The following KIAA1217 variants were observed in gnomAD, a reference collection of about 807,000 sequenced individuals.
KIAA1217 encodes sickle tail protein homolog.
KIAA1217 carries 88 observed loss-of-function variants against 163.9 expected under a neutral mutation model. The ratio of observed to expected loss-of-function variants is 0.54; its 90% CI spans 0.45 to 0.64. The LOEUF is 0.64. Ranked by LOEUF, KIAA1217 falls within the 30% of genes least tolerant of loss-of-function variation. The pLI, the probability that KIAA1217 is intolerant of heterozygous loss-of-function variation, is 0.00. For missense variants in KIAA1217, 2,372 were observed against 2,475.0 expected, an observed-to-expected ratio of 0.96 and a Z score of 0.88; for synonymous variants, 903 against 923.1, an observed-to-expected ratio of 0.98 and a Z score of 0.39.
At chr10:24,491,260 A>G (rs903338355) in intron 6 of KIAA1217, among the ~76,000 whole-genome samples, 15 of 144,444 alleles carry the variant, frequency 1.0e-4, no homozygotes, top group Admixed American at 9.7e-4. Flanking sequence ...AGAATGATTC[A>G]GGTGCTTTGT....
chr10:24,533,376 G>A, intron 16 of KIAA1217, 139 bp downstream of exon 16: 1 of 803,664 alleles, frequency 1.2e-6, no homozygotes, highest in Non-Finnish European at 1.8e-6. Flanking sequence ...TCTGGCCTTA[G>A]CCTTTGCTTT....
At chr10:23,945,577 C>T (rs756690256) in intron 1 of KIAA1217, among the ~76,000 whole-genome samples, 1 of 152,098 alleles carries the variant, frequency 6.6e-6, no homozygotes, top group African/African-American at 2.4e-5. Flanking sequence ...AAACTCAACA[C>T]ATTTTACGTT....
At chr10:24,226,483 A>G (rs1006096354) in intron 2 of KIAA1217, among the ~76,000 whole-genome samples, 5 of 151,898 alleles carry the variant, frequency 3.3e-5, no homozygotes, top group Non-Finnish European at 5.9e-5. Context: ...AAATACAAAA[A>G]TACAGAAAAT....
chr10:24,366,265 T>C (rs1322802140), intron 2 of KIAA1217, among the ~76,000 whole-genome samples: 1 of 151,898 alleles, frequency 6.6e-6, no homozygotes, highest in African/African-American at 2.4e-5. Context: ...GCCAACATGG[T>C]TAAACCCCAT....
chr10:23,905,132 A>G (rs1464508983), intron 1 of KIAA1217, among the ~76,000 whole-genome samples: 1 of 142,808 alleles, frequency 7.0e-6, no homozygotes, highest in African/African-American at 2.7e-5. Context: ...AGTTATACCT[A>G]ATGTATCAGT....
chr10:24,187,216 T>TG (rs2066478375), intron 2 of KIAA1217, among the ~76,000 whole-genome samples: 1 of 152,230 alleles, frequency 6.6e-6, no homozygotes, highest in African/African-American at 2.4e-5. Context: ...GTCTTGTCGC[T>TG]TGTCACAGCA....
chr10:24,237,793 A>G (rs1215399870), intron 2 of KIAA1217, among the ~76,000 whole-genome samples: 1 of 152,138 alleles, frequency 6.6e-6, no homozygotes, highest in Non-Finnish European at 1.5e-5. Flanking sequence ...CATTAATTGA[A>G]TCTCTGACAA....
chr10:24,492,888 C>T (rs954827710), intron 6 of KIAA1217, among the ~76,000 whole-genome samples: 3 of 151,876 alleles, frequency 2.0e-5, no homozygotes, highest in Admixed American at 1.3e-4. Context: ...CACTGTCACC[C>T]AGGATGGAGT....
At chr10:24,334,862 G>A (rs561485384) in intron 2 of KIAA1217, among the ~76,000 whole-genome samples, 6 of 152,266 alleles carry the variant, frequency 3.9e-5, no homozygotes, top group Non-Finnish European at 5.9e-5. Flanking sequence ...AGTATTTCCC[G>A]ATCTTTTTCA....
At chr10:23,796,457 G>A (rs1194111788) in intron 1 of KIAA1217, among the ~76,000 whole-genome samples, 2 of 151,976 alleles carry the variant, frequency 1.3e-5, no homozygotes, top group African/African-American at 4.8e-5. Context: ...TCTGCCTCCC[G>A]GGTTCAAGCA....
intron 1 of KIAA1217, among the ~76,000 whole-genome samples, chr10:23,852,739 T>A (rs1839418885): frequency 2.0e-5 from 3 of 152,170 alleles, no homozygotes; most frequent in Admixed American, 2.0e-4. Context: ...ACGTCCCTTG[T>A]AAGTTGGATT....
At chr10:24,255,224 C>G (rs2075015516) in intron 2 of KIAA1217, 1 of 220,046 alleles carries the variant, frequency 4.5e-6, no homozygotes, top group Admixed American at 5.9e-5. Flanking sequence ...GAAAAGAGAC[C>G]CATTCTTGCC....
intron 1 of KIAA1217, among the ~76,000 whole-genome samples, chr10:23,754,710 C>T (rs1401925298): frequency 2.0e-5 from 3 of 152,098 alleles, no homozygotes; most frequent in Non-Finnish European, 4.4e-5. Flanking sequence ...CTCTTTGGGA[C>T]CCTTGAATCC....
intron 1 of KIAA1217, among the ~76,000 whole-genome samples, chr10:23,767,042 G>T (rs964525835): frequency 9.2e-5 from 14 of 152,200 alleles, no homozygotes; most frequent in African/African-American, 2.7e-4. Flanking sequence ...GGTTATGCAG[G>T]AGCATCCAGA....
chr10:24,264,060 C>T lies in KIAA1217; in HGVS notation c.354+44151C>T, dbSNP rs150584616. Among the ~76,000 whole-genome samples, 869 of 152,034 alleles carry T rather than the reference C, an allele frequency of 5.7e-3. 9 individuals are homozygous for T. The South Asian group carries it at 0.07, about 12-fold the overall frequency. ...TTTTAGTAGAGATGGGGTTTCGCCA[C>T]GTTGGCCAGGCTGGTATCGAATTCC... On this transcript the variant is annotated intron_variant, in intron 2 of 20. Transcript: ENST00000376454.
intron 10 of KIAA1217, among the ~76,000 whole-genome samples, chr10:24,519,610 T>C (rs1257788623): frequency 1.3e-5 from 2 of 152,112 alleles, no homozygotes; most frequent in Non-Finnish European, 2.9e-5. Flanking sequence ...CCAGGGGCGC[T>C]GCTAAACATC....
chr10:24,452,448 C>G (rs890822780), intron 5 of KIAA1217, among the ~76,000 whole-genome samples: 1 of 150,552 alleles, frequency 6.6e-6, no homozygotes, highest in Non-Finnish European at 1.5e-5. Context: ...CCGAGGCGGG[C>G]GGATCATGAG....
intron 1 of KIAA1217, among the ~76,000 whole-genome samples, chr10:23,967,021 A>T (rs2131383236): frequency 8.1e-6 from 1 of 123,962 alleles, no homozygotes; most frequent in African/African-American, 4.5e-5. Flanking sequence ...GATTTTATAC[A>T]ATCAGTATTA....
intron 2 of KIAA1217, among the ~76,000 whole-genome samples, chr10:24,092,683 T>C (rs1346632344): frequency 6.6e-6 from 1 of 150,690 alleles, no homozygotes; most frequent in East Asian, 1.9e-4. Context: ...ATTTCACTGA[T>C]AACGTTATGA....
Sources: allele counts gnomAD v4.1 joint callset (sites outside exome capture counted in the v4.1 genomes callset), GRCh38; gene constraint gnomAD v4.1.1; transcripts MANE v1.5; gene names NCBI Gene and HGNC (gene_info 2026-07-23, HGNC 2026-07-21).